Variants in RARB observed in about 807,000 individuals in gnomAD.
The protein encoded by RARB is HBV-activated protein.
In RARB, 17 loss-of-function variants were observed where a neutral mutation model predicts 51.9. The observed-to-expected ratio is 0.33, with a 90% CI of 0.22 to 0.49. The LOEUF is 0.49. Among genes scored for constraint, RARB ranks in the 20% least tolerant of loss-of-function variants. The pLI is 0.99. For synonymous variants in RARB, 215 were observed against 195.4 expected (o/e 1.10, Z -0.84); for missense variants, 369 against 550.8 (o/e 0.67, Z 3.30).
intron 5 of RARB, among the ~76,000 whole-genome samples, chr3:25,334,169 T>C (rs946023591): frequency 3.3e-5 from 5 of 152,130 alleles, no homozygotes; most frequent in African/African-American, 7.2e-5. Context: ...CCAGTCATCC[T>C]ATTACTGGGT....
intron 3 of RARB, among the ~76,000 whole-genome samples, chr3:25,065,509 T>G (rs529439439): frequency 4.7e-4 from 71 of 152,198 alleles, no homozygotes; most frequent in Non-Finnish European, 8.8e-4. Flanking sequence ...TAAAAGTATT[T>G]TCACTAGATG....
chr3:25,546,950 G>T (rs890330031), intron 3 of RARB, among the ~76,000 whole-genome samples: 2 of 152,156 alleles, frequency 1.3e-5, no homozygotes, highest in African/African-American at 4.8e-5. Flanking sequence ...CTTCCTACTA[G>T]TGTGAGTTAA....
intron 5 of RARB, among the ~76,000 whole-genome samples, chr3:25,247,992 T>A: frequency 6.6e-6 from 1 of 152,220 alleles, no homozygotes; most frequent in East Asian, 1.9e-4. Flanking sequence ...AGTCCCCAAC[T>A]ATTATTGTAT....
At chr3:25,502,341 C>T (rs1401342987) in intron 3 of RARB, among the ~76,000 whole-genome samples, 1 of 152,060 alleles carries the variant, frequency 6.6e-6, no homozygotes, top group East Asian at 1.9e-4. Context: ...GAAACGTGAC[C>T]CTTGGGTGAA....
At chr3:25,556,590 T>G (rs2125673873) in intron 3 of RARB, among the ~76,000 whole-genome samples, 1 of 152,344 alleles carries the variant, frequency 6.6e-6, no homozygotes, top group South Asian at 2.1e-4. Context: ...CAAATTCTGG[T>G]CCTATAAATT....
At chr3:25,258,522 T>A (rs1702922380) in intron 5 of RARB, among the ~76,000 whole-genome samples, 1 of 152,126 alleles carries the variant, frequency 6.6e-6, no homozygotes, top group Admixed American at 6.6e-5. Flanking sequence ...TCTGACTGTT[T>A]GTGGTCCTCA....
At chr3:25,537,447 T>C (rs7631979) in intron 3 of RARB, among the ~76,000 whole-genome samples, 58,974 of 152,106 alleles carry the variant, frequency 0.39, 11,487 homozygotes, top group Middle Eastern at 0.45. Context: ...CGTCACTTAT[T>C]GATATAGTCT....
rs145455888 is a variant in RARB at position 25,285,699 on chromosome 3, G to A, written c.178+111124G>A. ...GACTGGGTAACGAATTGGAGGGAAT[G>A]CAGAGGACGCAGTGTGACTATGCCC... is the stretch of plus-strand genomic sequence containing the variant. On this transcript the variant is annotated intron_variant, in intron 5 of 11. Coordinates refer to the RARB transcript ENST00000383772. Among the ~76,000 whole-genome samples, 78 of 152,314 alleles carry A rather than the reference G, an allele frequency of 5.1e-4. 1 individual carries two copies. The Middle Eastern group carries it at 0.01, about 20-fold the overall frequency.
chr3:25,394,619 T>C (rs1707065983), intron 5 of RARB, among the ~76,000 whole-genome samples: 3 of 152,160 alleles, frequency 2.0e-5, no homozygotes, highest in Non-Finnish European at 2.9e-5. Context: ...TGTGATATTT[T>C]CCTATGGAAG....
intron 2 of RARB, among the ~76,000 whole-genome samples, chr3:25,011,603 T>C (rs1203460963): frequency 6.6e-6 from 1 of 152,096 alleles, no homozygotes; most frequent in Non-Finnish European, 1.5e-5. Context: ...GACCAGGAAA[T>C]CTCAGCAGCC....
intron 3 of RARB, among the ~76,000 whole-genome samples, chr3:25,115,614 C>A (rs986021671): frequency 6.7e-6 from 1 of 149,532 alleles, no homozygotes; most frequent in Admixed American, 6.7e-5. Context: ...CTTTCTTTCT[C>A]TTCCTTTTTC....
intron 3 of RARB, among the ~76,000 whole-genome samples, chr3:25,543,016 G>A (rs1455531396): frequency 1.3e-5 from 2 of 152,170 alleles, no homozygotes; most frequent in Non-Finnish European, 2.9e-5. Context: ...GGACACAACT[G>A]CAGGTGATTT....
chr3:24,959,539 T>C (rs559642421), intron 2 of RARB, among the ~76,000 whole-genome samples: 2 of 152,236 alleles, frequency 1.3e-5, no homozygotes, highest in South Asian at 4.2e-4. Flanking sequence ...AGGAGTAGTT[T>C]TGGAAAAAGC....
At chr3:25,144,774 C>G (rs905945784) in intron 4 of RARB, among the ~76,000 whole-genome samples, 1 of 152,038 alleles carries the variant, frequency 6.6e-6, no homozygotes, top group African/African-American at 2.4e-5. Flanking sequence ...AATGCCTGGC[C>G]GATAGGAGCA....
intron 5 of RARB, among the ~76,000 whole-genome samples, chr3:25,270,911 T>C (rs1703242911): frequency 6.6e-6 from 1 of 152,236 alleles, no homozygotes. Flanking sequence ...ATATTACTGG[T>C]AAGTTTTGTG....
intron 5 of RARB, among the ~76,000 whole-genome samples, chr3:25,356,589 T>A (rs564209984): frequency 6.6e-6 from 1 of 152,088 alleles, no homozygotes; most frequent in Non-Finnish European, 1.5e-5. Context: ...TAGGTATACA[T>A]GTGCCATGGT....
chr3:25,544,817 G>T (rs904411854), intron 3 of RARB, among the ~76,000 whole-genome samples: 13 of 151,572 alleles, frequency 8.6e-5, no homozygotes, highest in African/African-American at 3.2e-4. Flanking sequence ...GTCCTAAACT[G>T]AAGTCAGTTT....
intron 2 of RARB, among the ~76,000 whole-genome samples, chr3:24,864,241 A>G (rs929874269): frequency 1.3e-5 from 2 of 152,188 alleles, no homozygotes; most frequent in Non-Finnish European, 2.9e-5. Flanking sequence ...GTTGGTATCC[A>G]GGTTCTGTCC....
chr3:25,202,692 A>G (rs905415815), intron 5 of RARB, among the ~76,000 whole-genome samples: 1 of 152,056 alleles, frequency 6.6e-6, no homozygotes, highest in African/African-American at 2.4e-5. Flanking sequence ...TTTGTTATAT[A>G]CCCACTAGTC....
Sources: gnomAD v4.1 joint callset for allele counts (sites outside exome capture counted in the v4.1 genomes callset) on GRCh38, gnomAD v4.1.1 for gene constraint, MANE v1.5 for transcripts, NCBI Gene and HGNC (gene_info 2026-07-23, HGNC 2026-07-21) for gene names.